Variants in PLXND1 observed in about 807,000 individuals in gnomAD.
PLXND1 encodes plexin D1.
PLXND1 carries 54 observed loss-of-function variants against 197.7 expected under a neutral mutation model. The observed-to-expected ratio is 0.27, with a 90% CI of 0.22 to 0.34. PLXND1 has a LOEUF of 0.34. PLXND1 is among the 10% of genes least tolerant of loss of function. The pLI, the probability that PLXND1 is intolerant of heterozygous loss-of-function variation, is 1.00. For missense variants in PLXND1, 2,127 were observed against 2,699.2 expected (o/e 0.79, Z 4.70); for synonymous variants, 1,180 against 1,161.2 (o/e 1.02, Z -0.33).
At position 129,557,146 on chromosome 3, in the gene PLXND1, C is replaced by A. The variant is rs1202815298; in HGVS notation, c.5523G>T (p.Gln1841His). ...CGCTGAGCGGCGTCATGTCCTGGAT[C>A]TGCTTGTAGTAGCGCTGCACGATCT... ...YRKIVQRYYK[Q>H]IQDMTPLSEQ... The change falls in exon 34 of 36, where the codon CAG becomes CAT. Residue 1841 changes from glutamine (Q) to histidine (H), a missense_variant. This residue lies in a region of PLXND1 where 200 missense variants were observed against 303.3 expected (regional missense o/e 0.66). Coordinates refer to ENST00000324093, the MANE Select transcript of PLXND1 (RefSeq NM_015103.3). This position sits in a 1 kb window ranked among gnomAD's most constrained non-coding sequence, Gnocchi z 4.8. The A allele has an allele frequency of 1.2e-6, 2 of 1,614,032 alleles. No individual in the cohort carries two copies. Among genetic ancestry groups the A allele is most frequent in the East Asian group, 2.2e-5 (1 of 44,898 alleles).
rs542910266 is a variant in PLXND1 at position 129,557,723 on chromosome 3, T to C, written c.5446-500A>G. 1.3e-5 allele frequency among the ~76,000 whole-genome samples: 2 copies of C among 152,272 alleles called. No homozygotes were observed. The highest frequency in any genetic ancestry group is 4.8e-5 in the African/African-American group (2 of 41,552). On this transcript the variant is annotated intron_variant, in intron 33 of 35. Coordinates refer to ENST00000324093, the MANE Select transcript of PLXND1 (RefSeq NM_015103.3). The surrounding 1 kb of genome is among the most constrained non-coding windows in gnomAD (Gnocchi z 4.8). ...GCCTTCGGAGGCAGTACGTGAGTAG[T>C]AGTGGAGCGATGGCATTTTCTCCTT... is the stretch of plus-strand genomic sequence containing the variant.
Position 129,606,323 on chromosome 3 carries a change from G to A in PLXND1, c.317C>T (p.Ala106Val), listed in dbSNP as rs1384069840. 5 of 1,501,790 alleles carry A rather than the reference G, an allele frequency of 3.3e-6. No homozygotes were observed. The highest frequency in any genetic ancestry group is 4.4e-6 in the Non-Finnish European group (5 of 1,131,334). 93.0% of individuals were successfully genotyped at this position (1,501,790 alleles called of 1,614,324 possible). ...GPVPDSPLCH[A>V]PQLPQASCEH... ...GCACGAGGCCTGCGGCAGCTGCGGA[G>A]CGTGACACAGCGGGCTGTCGGGCAC... Residue 106 changes from alanine (A) to valine (V), a missense_variant, in exon 1 of 36, where the codon GCT becomes GTT. Ala to Val is a moderately conservative substitution (Grantham distance 64, BLOSUM62 0). Around this residue, in one of 6 missense-constraint regions of PLXND1, gnomAD observed 245 missense variants for 267.1 expected, o/e 0.92. Coordinates refer to ENST00000324093, the MANE Select transcript of PLXND1 (RefSeq NM_015103.3).
intron 1 of PLXND1, among the ~76,000 whole-genome samples, chr3:129,590,040 C>T (rs1300256820): frequency 6.6e-6 from 1 of 152,170 alleles, no homozygotes; most frequent in Non-Finnish European, 1.5e-5. Context: ...TTTCCTCCTG[C>T]CGGGTGTCTG....
At position 129,559,612 on chromosome 3, in the gene PLXND1, C is replaced by G. The variant is rs200993273; in HGVS notation, c.5297+8G>C. ...CAGTGAAGTCCACACGGCCCCCCCA[C>G]CCGCCACCTGTTGGTCTTCCAGATG... On this transcript the variant is annotated splice_region_variant and intron_variant, in intron 32 of 35. Transcript: ENST00000324093. 2 of 1,589,778 alleles carry G rather than the reference C, an allele frequency of 1.3e-6. No individual in the cohort carries two copies. The highest frequency in any genetic ancestry group is 4.5e-5 in the East Asian group (2 of 44,524).
At position 129,606,108 on chromosome 3, in the gene PLXND1, T is replaced by C. The variant is rs778736878; in HGVS notation, c.532A>G (p.Ser178Gly). 4.5e-6 allele frequency: 7 copies of C among 1,542,362 alleles called. No homozygotes were observed. The South Asian group carries it at 8.3e-5, about 18-fold the overall frequency. The change falls in exon 1 of 36, where the codon AGC becomes GGC. Residue 178 changes from serine (S) to glycine (G), a missense_variant. Physicochemically the swap from Ser to Gly is moderately conservative, Grantham distance 56. Transcript: ENST00000324093. ...PPAEPVTVFPSMLNVAANHPN... is the reference protein window; with the variant it reads ...PPAEPVTVFPGMLNVAANHPN... ...TGGTTGGCCGCCACGTTCAGCATGCTGGGGAACACCGTGACGGGCTCGGCG... is the reference window on the plus strand; with the variant it reads ...TGGTTGGCCGCCACGTTCAGCATGCCGGGGAACACCGTGACGGGCTCGGCG...
rs185986213 is a variant in PLXND1, at chr3:129,586,042, C to T, written c.1761G>A (p.Gln587=). The T allele has an allele frequency of 2.5e-6, 4 of 1,613,994 alleles. No individual in the cohort carries two copies. In the African/African-American group the frequency reaches 5.3e-5, roughly 22 times the overall value. Residue 587 remains glutamine (Q), a synonymous_variant, in exon 5 of 36, where the codon CAG becomes CAA. Transcript: ENST00000324093. ...CCTCGCTGGCACTGGTCCAGAAATG[C>T]TGCTGGCTGGAATTGGTGCAGTCCT... is the stretch of plus-strand genomic sequence containing the variant. The part of the protein sequence containing the change: ...LQQDCTNSSQ[Q]HFWTSASEGP...
rs761018726 is a variant in PLXND1, at chr3:129,584,187, G to A, written c.2076C>T (p.Ile692=). 8.2e-6 allele frequency: 13 copies of A among 1,585,642 alleles called. No individual in the cohort carries two copies. Among genetic ancestry groups the A allele is most frequent in the Admixed American group, 3.6e-5 (2 of 55,452 alleles). The change falls in exon 7 of 36, where the codon ATC becomes ATT. Residue 692 remains isoleucine, a synonymous_variant. Coordinates refer to ENST00000324093, the MANE Select transcript of PLXND1 (RefSeq NM_015103.3). ...CGTAGATGGTGAAATTGGCCTTGAC[G>A]ATGTTCCGCCCATTGACCCTCACAG... ...EMSVRVNGRN[I]VKANFTIYDC...
At position 129,572,916 on chromosome 3, in the gene PLXND1, G is replaced by T; in HGVS notation, c.2863C>A (p.Pro955Thr). The change falls in exon 14 of 36, where the codon CCA becomes ACA. Residue 955 changes from proline to threonine, a missense_variant. Around this residue, in one of 6 missense-constraint regions of PLXND1, gnomAD observed 1,095 missense variants for 1,259.8 expected, o/e 0.87. Coordinates refer to ENST00000324093, the MANE Select transcript of PLXND1 (RefSeq NM_015103.3). ...GTCACCACACCTGAGAGTGGTCCTG[G>T]GGCTGGCCCTGTGACACACACGATC... is the stretch of plus-strand genomic sequence containing the variant. The part of the protein sequence containing the change: ...EEIVCVTGPA[P>T]GPLSGVVTVN... The T allele has an allele frequency of 6.2e-7, 1 of 1,613,640 alleles. No individual in the cohort carries two copies.
At position 129,584,435 on chromosome 3, in the gene PLXND1, T is replaced by C; in HGVS notation, c.1979A>G (p.Tyr660Cys). Residue 660 changes from tyrosine (Y) to cysteine (C), a missense_variant, in exon 6 of 36, where the codon TAC (tyrosine) becomes TGC (cysteine). Physicochemically the swap from Tyr to Cys is radical, Grantham distance 194. Coordinates refer to ENST00000324093, the MANE Select transcript of PLXND1 (RefSeq NM_015103.3). ...PGPAFGHQIA[Y>C]CNLLPRDQFP... ...CTGGTCCCTCGGCAGGAGGTTGCAGTAGGCAATCTGGTGACCAAAGGCAGG... is the reference window on the plus strand; with the variant it reads ...CTGGTCCCTCGGCAGGAGGTTGCAGCAGGCAATCTGGTGACCAAAGGCAGG... 1 of 1,613,612 alleles carries C rather than the reference T, an allele frequency of 6.2e-7. No homozygotes were observed. The highest frequency in any genetic ancestry group is 8.5e-7 in the Non-Finnish European group (1 of 1,179,906).
At position 129,558,397 on chromosome 3, in the gene PLXND1, T is replaced by A. The variant is rs753772854; in HGVS notation, c.5445+31A>T. 4 of 1,602,698 alleles carry A rather than the reference T, an allele frequency of 2.5e-6. No homozygotes were observed. In the Admixed American group the frequency reaches 5.0e-5, roughly 20 times the overall value. ...CGGCACCCCACTCTGGCCCTGTGCA[T>A]GGGCCTGGCCTGGTCCTGGGAACAG... is the stretch of plus-strand genomic sequence containing the variant. On this transcript the variant is annotated intron_variant, in intron 33 of 35. Transcript: ENST00000324093. The surrounding 1 kb of genome is among the most constrained non-coding windows in gnomAD (Gnocchi z 4.1).
chr3:129,584,456 G>A lies in PLXND1; in HGVS notation c.1958C>T (p.Ala653Val), dbSNP rs1458724054. The change falls in exon 6 of 36, where the codon GCC becomes GTC. Residue 653 changes from alanine to valine, a missense_variant. Physicochemically the swap from Ala to Val is moderately conservative, Grantham distance 64. Transcript: ENST00000324093. ...GCAGTAGGCAATCTGGTGACCAAAG[G>A]CAGGGCCTGGGACCCGAGCCACAGT... is the stretch of plus-strand genomic sequence containing the variant. ...IRTVARVPGP[A>V]FGHQIAYCNL... 5 of 1,613,714 alleles carry A rather than the reference G, an allele frequency of 3.1e-6. No individual in the cohort carries two copies. The highest frequency in any genetic ancestry group is 3.3e-5 in the Admixed American group (2 of 59,992).
In PLXND1 at chr3:129,555,412, A is replaced by G; in HGVS notation, c.*900T>C. 1.6e-6 allele frequency: 1 copy of G among 641,318 alleles called. No homozygotes were observed. Among genetic ancestry groups the G allele is most frequent in the Non-Finnish European group, 2.7e-6 (1 of 364,344 alleles). The allele number at this position is 641,318 out of a possible 1,614,324, so 39.7% of individuals were successfully genotyped here. ...TCTCAGGCGCCAGGGGCGCTCTGCCAGGTCTGCCCGCTCTCTGGAACAGTC... is the reference window on the plus strand; with the variant it reads ...TCTCAGGCGCCAGGGGCGCTCTGCCGGGTCTGCCCGCTCTCTGGAACAGTC... On this transcript the variant is annotated 3_prime_UTR_variant, in exon 36 of 36. Coordinates refer to ENST00000324093, the MANE Select transcript of PLXND1 (RefSeq NM_015103.3).
chr3:129,572,025 G>A (rs755365070), intron 15 of PLXND1, among the ~76,000 whole-genome samples, 181 bp from the exon 16 acceptor site: 47 of 151,952 alleles, frequency 3.1e-4, no homozygotes, highest in Admixed American at 3.1e-3. Flanking sequence ...TCCAAATTCC[G>A]CCCCATCCCA....
At chr3:129,578,307 C>T (rs762929556) in intron 9 of PLXND1, 22 bp downstream of exon 9, 38 of 1,498,310 alleles carry the variant, frequency 2.5e-5, no homozygotes, top group African/African-American at 1.4e-4. Flanking sequence ...CCCCACCCGG[C>T]GCTGGCCTGG....
chr3:129,584,539 G>C lies in PLXND1; in HGVS notation c.1875C>G (p.Gly625=), dbSNP rs374717374. 17 of 1,610,710 alleles carry C rather than the reference G, an allele frequency of 1.1e-5. No individual in the cohort carries two copies. The highest frequency in any genetic ancestry group is 6.7e-5 in the African/African-American group (5 of 74,908). ...EYPGMILQIS[G]SLPSLSGMEM... ...CCATGCCACTGAGGCTGGGCAGGCT[G>C]CCCGAGATCTGCAGGATCATGCCCT... Residue 625 remains glycine (G), a synonymous_variant, in exon 6 of 36, where the codon GGC becomes GGG. Coordinates refer to ENST00000324093, the MANE Select transcript of PLXND1 (RefSeq NM_015103.3).
At position 129,557,986 on chromosome 3, in the gene PLXND1, A is replaced by C. The variant is rs987205019; in HGVS notation, c.5445+442T>G. The stretch of plus-strand genomic sequence containing the variant: ...GCCCCCAACACACCGCATGAATCTC[A>C]GAGCTCCTAGCCACCCATCACCCCT... On this transcript the variant is annotated intron_variant, in intron 33 of 35. Coordinates refer to ENST00000324093, the MANE Select transcript of PLXND1 (RefSeq NM_015103.3). The surrounding 1 kb of genome is among the most constrained non-coding windows in gnomAD (Gnocchi z 4.8). Among the ~76,000 whole-genome samples the C allele has an allele frequency of 2.0e-5, 3 of 152,190 alleles. No homozygotes were observed. The highest frequency in any genetic ancestry group is 4.4e-5 in the Non-Finnish European group (3 of 68,028).
chr3:129,563,434 G>T (rs1215622363), intron 25 of PLXND1, among the ~76,000 whole-genome samples, 194 bp from the exon 26 acceptor site: 1 of 152,236 alleles, frequency 6.6e-6, no homozygotes, highest in Non-Finnish European at 1.5e-5. Flanking sequence ...CCAGCTGTGG[G>T]TGGGTGCATT....
At chr3:129,560,820 G>A (rs1002518356) in intron 29 of PLXND1, 97 bp from the exon 30 acceptor site, 16 of 787,958 alleles carry the variant, frequency 2.0e-5, no homozygotes, top group South Asian at 5.6e-5. Flanking sequence ...AAACAAGACA[G>A]AAAGATGGGG....
Position 129,606,347 on chromosome 3 carries a change from A to C in PLXND1, c.293T>G (p.Val98Gly), listed in dbSNP as rs1313606003. The C allele has an allele frequency of 4.8e-6, 7 of 1,473,642 alleles. No individual in the cohort carries two copies. The highest frequency in any genetic ancestry group is 1.5e-5 in the African/African-American group (1 of 67,814). 91.3% of individuals were successfully genotyped at this position (1,473,642 alleles called of 1,614,324 possible). A position where few individuals can be genotyped will look rare whatever the true frequency, so the allele number is the denominator to read the frequency against. ...AGCGTGACACAGCGGGCTGTCGGGC[A>C]CCGGGCCCACGGCCGCCTCGGCCTC... ...SLEAEAAVGPVPDSPLCHAPQ... is the reference protein window; with the variant it reads ...SLEAEAAVGPGPDSPLCHAPQ... Residue 98 changes from valine to glycine, a missense_variant, in exon 1 of 36, where the codon GTG (valine) becomes GGG (glycine). Val to Gly is a moderately radical substitution (Grantham distance 109, BLOSUM62 -3). Transcript: ENST00000324093.
Sources: gnomAD v4.1 joint callset for allele counts (sites outside exome capture counted in the v4.1 genomes callset) on GRCh38, gnomAD v4.1.1 for gene constraint, gnomAD v4.1.1 regional missense constraint, Gnocchi (gnomAD v3.1) non-coding constraint, MANE v1.5 for transcripts, NCBI Gene and HGNC (gene_info 2026-07-23, HGNC 2026-07-21) for gene names.